Variants in CHST3 observed in about 807,000 individuals in gnomAD.
CHST3 encodes carbohydrate sulfotransferase 3.
In CHST3, 20 loss-of-function variants were observed where a neutral mutation model predicts 35.4. That is an observed-to-expected ratio of 0.57 (90% confidence interval 0.40 to 0.82). CHST3 has a LOEUF of 0.82. Among genes scored for constraint, CHST3 ranks in the 40% least tolerant of loss-of-function variants. The probability of loss-of-function intolerance (pLI) is 0.00; values close to 1 mark genes in which losing one functional copy is unlikely to be tolerated. For missense variants in CHST3, 693 were observed against 670.1 expected, an observed-to-expected ratio of 1.03 and a Z score of -0.38; for synonymous variants, 334 against 295.9, an observed-to-expected ratio of 1.13 and a Z score of -1.32.
At chr10:71,984,667 A>G (rs1466688239) in intron 1 of CHST3, among the ~76,000 whole-genome samples, 1 of 152,200 alleles carries the variant, frequency 6.6e-6, no homozygotes, top group East Asian at 1.9e-4. Context: ...ACTCAGGGTA[A>G]GTTTTCTCAT....
At chr10:71,966,353 T>A (rs1300855803) in intron 1 of CHST3, among the ~76,000 whole-genome samples, 1 of 152,112 alleles carries the variant, frequency 6.6e-6, no homozygotes, top group Non-Finnish European at 1.5e-5. Context: ...TTGCTGTGGG[T>A]TCTCCTGTGC....
chr10:71,984,532 T>A (rs985111178), intron 1 of CHST3, among the ~76,000 whole-genome samples: 1 of 152,218 alleles, frequency 6.6e-6, no homozygotes, highest in African/African-American at 2.4e-5. Flanking sequence ...AGGACTCTGA[T>A]CTGTCCACTG....
intron 1 of CHST3, among the ~76,000 whole-genome samples, chr10:71,987,888 T>C (rs886236960): frequency 2.6e-5 from 4 of 152,144 alleles, no homozygotes; most frequent in African/African-American, 7.2e-5. Flanking sequence ...CCTAGACTTA[T>C]GCATGGAGAG....
At position 72,010,649 on chromosome 10, in the gene CHST3, G is replaced by A. The variant is rs886047174; in HGVS notation, c.*2178G>A. 1.3e-5 allele frequency: 2 copies of A among 152,134 alleles called. No individual in the cohort carries two copies. The highest frequency in any genetic ancestry group is 2.9e-5 in the Non-Finnish European group (2 of 68,038). The allele number at this position is 152,134 out of a possible 1,614,324, so 9.4% of individuals were successfully genotyped here. On this transcript the variant is annotated 3_prime_UTR_variant, in exon 3 of 3. Transcript: ENST00000373115. ...GAACACCCCAACACTCTTGGTTTTA[G>A]AGTCCAAGAGTAAGTTGTGCAGAGA...
intron 1 of CHST3, among the ~76,000 whole-genome samples, chr10:71,970,350 GA>G (rs1839679980): frequency 6.6e-6 from 1 of 152,152 alleles, no homozygotes; most frequent in Non-Finnish European, 1.5e-5. Context: ...AGGACTCTAT[GA>G]AAAGGATTTG....
chr10:71,998,214 G>T (rs2131763569), intron 1 of CHST3, among the ~76,000 whole-genome samples: 1 of 152,390 alleles, frequency 6.6e-6, no homozygotes. Context: ...CTGCCTCTGT[G>T]ATGGTGCCCC....
rs113192198 is a variant in CHST3 at position 71,988,449 on chromosome 10, C to T, written c.-107-17287C>T. Among the ~76,000 whole-genome samples the T allele has an allele frequency of 1.8e-3, 278 of 152,276 alleles. 2 individuals carry two copies. The highest frequency in any genetic ancestry group is 6.2e-3 in the African/African-American group (258 of 41,558). ...ATCCCTCATGGCTTGGTGCTGTCTTCCTCATAGTGAGTTCTTGCCAGATCA... is the reference window on the plus strand; with the variant it reads ...ATCCCTCATGGCTTGGTGCTGTCTTTCTCATAGTGAGTTCTTGCCAGATCA... On this transcript the variant is annotated intron_variant, in intron 1 of 2. Transcript: ENST00000373115.
At chr10:71,978,573 C>T (rs1167176135) in intron 1 of CHST3, among the ~76,000 whole-genome samples, 2 of 152,182 alleles carry the variant, frequency 1.3e-5, no homozygotes, top group African/African-American at 4.8e-5. Flanking sequence ...CCTTCTTTAC[C>T]CTTTACTATG....
chr10:71,972,638 C>T (rs1441906563), intron 1 of CHST3, among the ~76,000 whole-genome samples: 5 of 152,204 alleles, frequency 3.3e-5, no homozygotes, highest in African/African-American at 4.8e-5. Context: ...GCCATTCCAG[C>T]AAGACAGGAA....
chr10:71,992,853 G>GAAAC (rs1839910517), intron 1 of CHST3, among the ~76,000 whole-genome samples: 1 of 151,424 alleles, frequency 6.6e-6, no homozygotes, highest in Non-Finnish European at 1.5e-5. Flanking sequence ...GTAGAGGCAG[G>GAAAC]GTTTCACCAT....
chr10:71,986,723 GT>G (rs1839850529), intron 1 of CHST3, among the ~76,000 whole-genome samples: 1 of 152,012 alleles, frequency 6.6e-6, no homozygotes, highest in East Asian at 1.9e-4. Flanking sequence ...CCTGGGGCTG[GT>G]TCTATAAGAT....
At chr10:72,006,087 A>G in intron 2 of CHST3, 105 bp downstream of exon 2, 1 of 1,426,628 alleles carries the variant, frequency 7.0e-7, no homozygotes, top group Non-Finnish European at 9.9e-7. Context: ...GCATTCCTTC[A>G]ACGAGCCATC....
Position 72,007,790 on chromosome 10 carries a change from C to T in CHST3, c.759C>T (p.Gly253=), listed in dbSNP as rs754665395. ...EKYHCKNRRC[G]PLNVTLAAEA... ...ACCACTGCAAGAACCGCCGCTGCGG[C>T]CCCCTCAACGTGACGCTGGCCGCAG... The change falls in exon 3 of 3, where the codon GGC becomes GGT. Residue 253 remains glycine, a synonymous_variant. Transcript: ENST00000373115. 7 of 1,601,596 alleles carry T rather than the reference C, an allele frequency of 4.4e-6. No homozygotes were observed. The highest frequency in any genetic ancestry group is 1.3e-5 in the African/African-American group (1 of 74,922).
At chr10:71,995,830 A>G (rs1839933565) in intron 1 of CHST3, among the ~76,000 whole-genome samples, 1 of 152,136 alleles carries the variant, frequency 6.6e-6, no homozygotes, top group Admixed American at 6.5e-5. Flanking sequence ...GATCACCATA[A>G]CAGATATAAT....
chr10:71,968,500 A>G (rs191352777), intron 1 of CHST3, among the ~76,000 whole-genome samples: 1 of 152,226 alleles, frequency 6.6e-6, no homozygotes, highest in African/African-American at 2.4e-5. Context: ...ATTAGGTCCC[A>G]TTTGTCAATT....
intron 1 of CHST3, among the ~76,000 whole-genome samples, chr10:71,998,574 C>T (rs730334): frequency 0.45 from 67,792 of 152,176 alleles, 17,300 homozygotes; most frequent in Non-Finnish European, 0.58. Context: ...TGTGCTCCCC[C>T]ACAGCCCCAC....
chr10:72,011,973 G>T lies in CHST3; in HGVS notation c.*3502G>T, dbSNP rs1340204292. 1.3e-5 allele frequency: 2 copies of T among 152,348 alleles called. No homozygotes were observed. The highest frequency in any genetic ancestry group is 2.1e-4 in the South Asian group (1 of 4,832). 9.4% of individuals were successfully genotyped at this position (152,348 alleles called of 1,614,324 possible). On this transcript the variant is annotated 3_prime_UTR_variant, in exon 3 of 3. Coordinates refer to ENST00000373115, the MANE Select transcript of CHST3 (RefSeq NM_004273.5). ...GTCTCTGTCACATACACCGCAGGTG[G>T]TCACCGAGTTATTTTCCAAAAGCTG...
chr10:72,008,356 C>G lies in CHST3; in HGVS notation c.1325C>G (p.Ala442Gly), dbSNP rs761600756. 23 of 1,565,076 alleles carry G rather than the reference C, an allele frequency of 1.5e-5. No individual in the cohort carries two copies. In the African/African-American group the frequency reaches 2.8e-4, roughly 19 times the overall value. ...MPFKLAQVVQ[A>G]ACGPAMRLFG... ...TTCAAGCTGGCCCAGGTGGTGCAGG[C>G]CGCCTGCGGCCCTGCCATGCGCCTC... The change falls in exon 3 of 3, where the codon GCC becomes GGC. Residue 442 changes from alanine (A) to glycine (G), a missense_variant. Ala to Gly is a moderately conservative substitution (Grantham distance 60, BLOSUM62 0). Transcript: ENST00000373115.
chr10:71,968,811 G>C (rs535815890), intron 1 of CHST3, among the ~76,000 whole-genome samples: 14 of 152,128 alleles, frequency 9.2e-5, no homozygotes, highest in Admixed American at 4.6e-4. Context: ...GGAGATTTTG[G>C]GGGGGCACAC....
Sources: allele counts gnomAD v4.1 joint callset (sites outside exome capture counted in the v4.1 genomes callset), GRCh38; gene constraint gnomAD v4.1.1; transcripts MANE v1.5; gene names NCBI Gene and HGNC (gene_info 2026-07-23, HGNC 2026-07-21).